Variants in TMEM178B observed in about 807,000 individuals in gnomAD.
The protein encoded by TMEM178B is transmembrane protein 178B.
Under a neutral mutation model 31.0 loss-of-function variants are expected in TMEM178B, and 5 were observed. That is an observed-to-expected ratio of 0.16 (90% confidence interval 0.08 to 0.34). The LOEUF is 0.34. Among genes scored for constraint, TMEM178B ranks in the 10% least tolerant of loss-of-function variants. The pLI is 1.00. For synonymous variants in TMEM178B, 164 were observed against 164.0 expected (o/e 1.00, Z 0.00); for missense variants, 275 against 400.3 (o/e 0.69, Z 2.67).
chr7:141,164,238 A>C (rs901951694), intron 1 of TMEM178B, among the ~76,000 whole-genome samples: 3 of 152,250 alleles, frequency 2.0e-5, no homozygotes, highest in Non-Finnish European at 4.4e-5. Context: ...CAAAATTATA[A>C]TTTGCAGACG....
Position 141,464,669 on chromosome 7 carries a change from T to C in TMEM178B, c.635-5867T>C, listed in dbSNP as rs150425431. 8.5e-5 allele frequency among the ~76,000 whole-genome samples: 13 copies of C among 152,340 alleles called. No individual in the cohort carries two copies. The East Asian group carries it at 9.6e-4, about 11-fold the overall frequency. On this transcript the variant is annotated intron_variant, in intron 3 of 3. Transcript: ENST00000565468. ...TGTATCATAAAGCTTGACCCAAAGATAGAAGTTCAACAAATATTTGCTGAT... is the reference window on the plus strand; with the variant it reads ...TGTATCATAAAGCTTGACCCAAAGACAGAAGTTCAACAAATATTTGCTGAT...
chr7:141,230,074 C>T lies in TMEM178B; in HGVS notation c.496+17370C>T, dbSNP rs540221723. On this transcript the variant is annotated intron_variant, in intron 2 of 3. Transcript: ENST00000565468. ...ATTTTAATTACTTCATCATATTCTACGATGTAAGTATACATAATTTACTTA... is the reference window on the plus strand; with the variant it reads ...ATTTTAATTACTTCATCATATTCTATGATGTAAGTATACATAATTTACTTA... Among the ~76,000 whole-genome samples the T allele has an allele frequency of 6.4e-4, 97 of 152,198 alleles. 1 individual carries two copies. Among genetic ancestry groups the T allele is most frequent in the African/African-American group, 1.9e-3 (79 of 41,532 alleles).
At chr7:141,160,272 A>C (rs565594945) in intron 1 of TMEM178B, among the ~76,000 whole-genome samples, 1 of 151,940 alleles carries the variant, frequency 6.6e-6, no homozygotes, top group South Asian at 2.1e-4. Flanking sequence ...ATGAATTTCA[A>C]GCTGTCTATA....
chr7:141,493,991 C>T, the TMEM178B span, among the ~76,000 whole-genome samples: 5 of 152,180 alleles, frequency 3.3e-5, no homozygotes, highest in Middle Eastern at 3.2e-3. Flanking sequence ...GGCCTTGCTT[C>T]ACTTCCAGAA....
intron 1 of TMEM178B, among the ~76,000 whole-genome samples, chr7:141,177,975 C>T (rs1796460988): frequency 6.6e-6 from 1 of 152,176 alleles, no homozygotes; most frequent in African/African-American, 2.4e-5. Context: ...TGAATTTGAT[C>T]TTGCCATTAT....
At chr7:141,090,698 T>C (rs187297855) in intron 1 of TMEM178B, among the ~76,000 whole-genome samples, 1 of 152,350 alleles carries the variant, frequency 6.6e-6, no homozygotes, top group East Asian at 1.9e-4. Context: ...CCTATTGTGG[T>C]AGGTGAACAT....
At chr7:141,432,346 G>T (rs554755923) in intron 2 of TMEM178B, among the ~76,000 whole-genome samples, 1 of 151,882 alleles carries the variant, frequency 6.6e-6, no homozygotes, top group African/African-American at 2.4e-5. Flanking sequence ...ATAGAGACAG[G>T]GTTTCACCAT....
chr7:141,325,867 A>G (rs1031605817), intron 2 of TMEM178B, among the ~76,000 whole-genome samples: 22 of 152,264 alleles, frequency 1.4e-4, no homozygotes, highest in African/African-American at 5.1e-4. Flanking sequence ...TCATAAATAG[A>G]CAGAAATGTA....
intron 3 of TMEM178B, 135 bp downstream of exon 3, chr7:141,437,880 A>G (rs1458890249): frequency 1.5e-6 from 2 of 1,290,500 alleles, no homozygotes; most frequent in African/African-American, 2.9e-5. Flanking sequence ...CCATTGGTTC[A>G]CAAGCACTTC....
chr7:141,100,976 A>T (rs1247268110), intron 1 of TMEM178B, among the ~76,000 whole-genome samples: 1 of 152,180 alleles, frequency 6.6e-6, no homozygotes, highest in Non-Finnish European at 1.5e-5. Context: ...GCCGTCAAAG[A>T]ATCTGGCTAC....
chr7:141,381,725 C>T (rs10156215), intron 2 of TMEM178B, among the ~76,000 whole-genome samples: 21,458 of 152,136 alleles, frequency 0.14, 1,636 homozygotes, highest in Non-Finnish European at 0.17. Context: ...AGGATAGGAG[C>T]GACTTTTATG....
At chr7:141,120,589 C>G (rs1275208598) in intron 1 of TMEM178B, among the ~76,000 whole-genome samples, 4 of 152,034 alleles carry the variant, frequency 2.6e-5, no homozygotes, top group African/African-American at 9.7e-5. Context: ...CTTCTGTTTC[C>G]TAAGCCAGTT....
At chr7:141,355,510 G>A (rs1044690473) in intron 2 of TMEM178B, among the ~76,000 whole-genome samples, 5 of 152,218 alleles carry the variant, frequency 3.3e-5, no homozygotes, top group African/African-American at 7.2e-5. Flanking sequence ...CTTCAGTGAG[G>A]TGGGGTGTGT....
At chr7:141,233,827 C>G (rs955861060) in intron 2 of TMEM178B, among the ~76,000 whole-genome samples, 5 of 152,216 alleles carry the variant, frequency 3.3e-5, no homozygotes, top group African/African-American at 4.8e-5. Context: ...CTGTCCCTAT[C>G]ACATGAAATA....
chr7:141,369,709 C>G (rs766448852), intron 2 of TMEM178B, among the ~76,000 whole-genome samples: 3 of 152,196 alleles, frequency 2.0e-5, no homozygotes, highest in African/African-American at 4.8e-5. Flanking sequence ...CACTTTCACT[C>G]TTGGGAACAG....
chr7:141,223,479 CTTTTTTTT>C (rs10680431), intron 2 of TMEM178B, among the ~76,000 whole-genome samples: 1 of 131,160 alleles, frequency 7.6e-6, no homozygotes. Context: ...TGTTTTCACT[CTTTTTTTT>C]TTTTTTTTTG....
intron 1 of TMEM178B, among the ~76,000 whole-genome samples, chr7:141,174,232 A>G (rs898333855): frequency 1.6e-4 from 25 of 151,934 alleles, no homozygotes; most frequent in African/African-American, 5.3e-4. Context: ...CTGTTCTTGC[A>G]TTAGTTTGCT....
chr7:141,274,296 G>A (rs1025340848), intron 2 of TMEM178B, among the ~76,000 whole-genome samples: 5 of 152,162 alleles, frequency 3.3e-5, no homozygotes, highest in African/African-American at 1.2e-4. Flanking sequence ...ACATAAGTTG[G>A]TGCTCAACAA....
chr7:141,389,487 A>T (rs761406137), intron 2 of TMEM178B, among the ~76,000 whole-genome samples: 1 of 152,260 alleles, frequency 6.6e-6, no homozygotes, highest in Non-Finnish European at 1.5e-5. Context: ...AGTAAAAGAA[A>T]GAGCAGTGAT....
Sources: gnomAD v4.1 joint callset for allele counts (sites outside exome capture counted in the v4.1 genomes callset) on GRCh38, gnomAD v4.1.1 for gene constraint, MANE v1.5 for transcripts, NCBI Gene and HGNC (gene_info 2026-07-23, HGNC 2026-07-21) for gene names.